RBFOX3: variants seen among roughly 807,000 people sequenced by gnomAD.
The protein encoded by RBFOX3 is RNA binding fox-1 homolog 3.
In RBFOX3, 17 loss-of-function variants were observed where a neutral mutation model predicts 48.7. The observed-to-expected ratio is 0.35, with a 90% confidence interval of 0.24 to 0.52. The LOEUF is 0.52. Ranked by LOEUF, RBFOX3 falls within the 20% of genes least tolerant of loss-of-function variation. The pLI is 0.94. For missense variants in RBFOX3, 382 were observed against 497.5 expected, an observed-to-expected ratio of 0.77 and a Z score of 2.21; for synonymous variants, 212 against 209.5, an observed-to-expected ratio of 1.01 and a Z score of -0.10.
At chr17:79,208,216 G>A (rs554915626) in intron 4 of RBFOX3, among the ~76,000 whole-genome samples, 2 of 152,212 alleles carry the variant, frequency 1.3e-5, no homozygotes, top group Non-Finnish European at 1.5e-5. Flanking sequence ...GCCCCGAGCT[G>A]TGGCTCTCAA....
At chr17:79,635,179 A>G in the RBFOX3 span, among the ~76,000 whole-genome samples, 151,612 of 151,678 alleles carry the variant, frequency 1, 75,773 homozygotes, top group Middle Eastern at 1. Context: ...AGATCTGAGC[A>G]GTGAGGCATG....
chr17:79,253,261 C>A (rs1473040413), intron 3 of RBFOX3, among the ~76,000 whole-genome samples: 1 of 152,164 alleles, frequency 6.6e-6, no homozygotes, highest in Non-Finnish European at 1.5e-5. Flanking sequence ...CCCTTCACCA[C>A]ACACACATCC....
chr17:79,155,452 C>T (rs1014346438), intron 4 of RBFOX3, among the ~76,000 whole-genome samples: 14 of 152,256 alleles, frequency 9.2e-5, no homozygotes, highest in Admixed American at 2.0e-4. Context: ...TACCTCGGAG[C>T]GGAGCCAGCA....
chr17:79,463,324 C>T (rs1245725287), intron 2 of RBFOX3, among the ~76,000 whole-genome samples: 3 of 71,942 alleles, frequency 4.2e-5, no homozygotes, highest in African/African-American at 1.0e-4. Flanking sequence ...CCACTGCCAC[C>T]GCCACCTCCA....
chr17:79,513,231 G>A (rs1015173437), intron 1 of RBFOX3, among the ~76,000 whole-genome samples: 12 of 151,932 alleles, frequency 7.9e-5, no homozygotes, highest in African/African-American at 2.7e-4. Context: ...CTGGATACAT[G>A]TTACCATCAG....
In RBFOX3 at chr17:79,167,360, G is replaced by A. The variant is rs562291984; in HGVS notation, c.-33-51612C>T. 2.0e-4 allele frequency among the ~76,000 whole-genome samples: 31 copies of A among 152,132 alleles called. No homozygotes were observed. In the South Asian group the frequency reaches 2.9e-3, roughly 14 times the overall value. ...TCTGGGGTCTCTATCAGGCTCTGGGGGCCCCTCCTTCTCTCCCTCTGGGGT... is the reference window on the plus strand; with the variant it reads ...TCTGGGGTCTCTATCAGGCTCTGGGAGCCCCTCCTTCTCTCCCTCTGGGGT... On this transcript the variant is annotated intron_variant, in intron 4 of 14. Coordinates refer to ENST00000693108, the MANE Select transcript of RBFOX3 (RefSeq NM_001350451.2).
intron 1 of RBFOX3, among the ~76,000 whole-genome samples, chr17:79,490,369 T>G (rs1881849863): frequency 1.3e-5 from 2 of 152,154 alleles, no homozygotes; most frequent in African/African-American, 4.8e-5. Flanking sequence ...GGGAAGCAAT[T>G]TTCCCCAAGG....
chr17:79,594,527 G>A (rs990667573), intron 1 of RBFOX3, among the ~76,000 whole-genome samples: 3 of 152,130 alleles, frequency 2.0e-5, no homozygotes, highest in East Asian at 1.9e-4. Flanking sequence ...GCCTAAATCC[G>A]GCTGTGCAGC....
At chr17:79,463,217 ACTG>A (rs1269996019) in intron 2 of RBFOX3, among the ~76,000 whole-genome samples, 1 of 116,678 alleles carries the variant, frequency 8.6e-6, no homozygotes, top group Admixed American at 8.7e-5. Flanking sequence ...TGCCACCTCC[ACTG>A]CCATCGCCAC....
At chr17:79,445,939 C>A (rs1362434718) in intron 2 of RBFOX3, among the ~76,000 whole-genome samples, 11 of 152,330 alleles carry the variant, frequency 7.2e-5, no homozygotes, top group African/African-American at 2.6e-4. Flanking sequence ...GTGGTGCCTG[C>A]AGACATTTCC....
At chr17:79,594,463 G>T (rs2093513308) in intron 1 of RBFOX3, among the ~76,000 whole-genome samples, 2 of 152,146 alleles carry the variant, frequency 1.3e-5, no homozygotes, top group Admixed American at 6.5e-5. Context: ...CCCCCTCCAG[G>T]CTCTGCCTCC....
chr17:79,415,406 A>G (rs2065176911), intron 2 of RBFOX3, among the ~76,000 whole-genome samples: 1 of 152,152 alleles, frequency 6.6e-6, no homozygotes, highest in Admixed American at 6.5e-5. Flanking sequence ...CCCAGGGAGA[A>G]GGGGGCACTG....
the RBFOX3 span, among the ~76,000 whole-genome samples, chr17:79,617,119 A>G: frequency 1.3e-5 from 2 of 152,102 alleles, no homozygotes; most frequent in Non-Finnish European, 2.9e-5. Flanking sequence ...TTCACCTTGA[A>G]GCTAGAGCCT....
At chr17:79,292,322 T>C (rs570162531) in intron 3 of RBFOX3, among the ~76,000 whole-genome samples, 2 of 152,088 alleles carry the variant, frequency 1.3e-5, no homozygotes, top group South Asian at 2.1e-4. Context: ...GGACCCCGCA[T>C]GCCTCCAGTA....
At chr17:79,619,474 C>T in the RBFOX3 span, among the ~76,000 whole-genome samples, 2 of 152,182 alleles carry the variant, frequency 1.3e-5, no homozygotes, top group Non-Finnish European at 2.9e-5. Flanking sequence ...CTCTGACCTC[C>T]GCCTCTGTCT....
At chr17:79,601,896 A>C (rs2093712712) in intron 1 of RBFOX3, 1 of 152,204 alleles carries the variant, frequency 6.6e-6, no homozygotes, top group East Asian at 1.9e-4. Context: ...CAGCCTGGGC[A>C]AGTCAGGAAA....
At chr17:79,347,643 T>C (rs1244494681) in intron 2 of RBFOX3, among the ~76,000 whole-genome samples, 1 of 152,220 alleles carries the variant, frequency 6.6e-6, no homozygotes, top group Non-Finnish European at 1.5e-5. Context: ...TCTAGTACTT[T>C]TCTCCTGTAT....
chr17:79,616,892 T>C, the RBFOX3 span, among the ~76,000 whole-genome samples: 2 of 152,206 alleles, frequency 1.3e-5, no homozygotes, highest in East Asian at 3.9e-4. Flanking sequence ...CAAGGAGACC[T>C]TGGAGGTCAG....
chr17:79,389,389 G>A (rs1331655454), intron 2 of RBFOX3, among the ~76,000 whole-genome samples: 2 of 152,190 alleles, frequency 1.3e-5, no homozygotes, highest in African/African-American at 4.8e-5. Flanking sequence ...CTGGACTTTT[G>A]ACTTCTCCCC....
Sources: gnomAD v4.1 joint callset for allele counts (sites outside exome capture counted in the v4.1 genomes callset) on GRCh38, gnomAD v4.1.1 for gene constraint, MANE v1.5 for transcripts, NCBI Gene and HGNC (gene_info 2026-07-23, HGNC 2026-07-21) for gene names.